The following RFTN1 variants were observed in gnomAD, a reference collection of about 807,000 sequenced individuals.
RFTN1 encodes raftlin, lipid raft linker 1, also known as raftlin.
Under a neutral mutation model 46.5 loss-of-function variants are expected in RFTN1, and 26 were observed. That is an observed-to-expected ratio of 0.56 (90% CI 0.41 to 0.78). RFTN1 has a LOEUF of 0.78. Among genes scored for constraint, RFTN1 ranks in the 30% least tolerant of loss-of-function variants. RFTN1 has a pLI of 0.00. For missense variants in RFTN1, 693 were observed against 718.7 expected, an observed-to-expected ratio of 0.96 and a Z score of 0.41; for synonymous variants, 261 against 284.2, an observed-to-expected ratio of 0.92 and a Z score of 0.82.
intron 4 of RFTN1, among the ~76,000 whole-genome samples, chr3:16,389,698 T>C (rs689643): frequency 0.2 from 29,946 of 152,072 alleles, 3,310 homozygotes; most frequent in East Asian, 0.29. Context: ...TTGGAATTCA[T>C]GTATGTGGCA....
At chr3:16,362,578 A>T (rs936484763) in intron 6 of RFTN1, among the ~76,000 whole-genome samples, 4 of 152,182 alleles carry the variant, frequency 2.6e-5, no homozygotes, top group African/African-American at 9.7e-5. Flanking sequence ...TGACCTGGGC[A>T]TGCTTGAGAC....
At chr3:16,397,113 GATGA>G (rs1559321575) in intron 4 of RFTN1, among the ~76,000 whole-genome samples, 1 of 149,714 alleles carries the variant, frequency 6.7e-6, no homozygotes, top group African/African-American at 2.5e-5. Flanking sequence ...CCTGTCAACA[GATGA>G]ATGGATGAAA....
At position 16,511,993 on chromosome 3, in the gene RFTN1, G is replaced by A. The variant is rs182342108; in HGVS notation, c.-9+1449C>T. Among the ~76,000 whole-genome samples the A allele has an allele frequency of 1.3e-4, 20 of 152,198 alleles. 1 individual carries two copies. The South Asian group carries it at 3.7e-3, about 28-fold the overall frequency. On this transcript the variant is annotated intron_variant, in intron 1 of 9. Coordinates refer to ENST00000334133, the MANE Select transcript of RFTN1 (RefSeq NM_015150.2). Reference sequence around the variant, plus strand: ...CTCTGGGGCTTTGAATCACTCAGGCGGGCCAGAAACCCCACTGAAGGCAAA... The same window carrying A: ...CTCTGGGGCTTTGAATCACTCAGGCAGGCCAGAAACCCCACTGAAGGCAAA...
At chr3:16,401,117 A>G (rs886659134) in intron 4 of RFTN1, among the ~76,000 whole-genome samples, 1 of 152,076 alleles carries the variant, frequency 6.6e-6, no homozygotes, top group Non-Finnish European at 1.5e-5. Context: ...TTCAAGACCA[A>G]CCTGGTAAAA....
At chr3:16,411,636 T>C (rs756581599) in intron 3 of RFTN1, among the ~76,000 whole-genome samples, 1 of 152,146 alleles carries the variant, frequency 6.6e-6, no homozygotes, top group Non-Finnish European at 1.5e-5. Context: ...AAAAGACATA[T>C]TAAGAGGAAC....
rs769250154 is a variant in RFTN1, at chr3:16,345,826, G to A, written c.1146+12106C>T. 3.1e-4 allele frequency among the ~76,000 whole-genome samples: 23 copies of A among 73,846 alleles called. No homozygotes were observed. Among genetic ancestry groups the A allele is most frequent in the East Asian group, 8.2e-4 (2 of 2,452 alleles). The allele number at this position is 73,846 out of a possible 152,430, so 48.4% of individuals were successfully genotyped here. ...TGTGTGTGTGTGTGTGTGCGCGCGCGCGTGCGCGCACGCGCACATGTGCAT... is the reference window on the plus strand; with the variant it reads ...TGTGTGTGTGTGTGTGTGCGCGCGCACGTGCGCGCACGCGCACATGTGCAT... On this transcript the variant is annotated intron_variant, in intron 7 of 9. Coordinates refer to ENST00000334133, the MANE Select transcript of RFTN1 (RefSeq NM_015150.2). The surrounding 1 kb of genome is among the most constrained non-coding windows in gnomAD (Gnocchi z 5.2).
intron 2 of RFTN1, among the ~76,000 whole-genome samples, chr3:16,486,797 C>T (rs1020683057): frequency 2.0e-5 from 3 of 152,202 alleles, no homozygotes; most frequent in African/African-American, 7.2e-5. Context: ...TGAATTGTGT[C>T]CTTCCAAATC....
At chr3:16,363,260 T>C (rs1311492736) in intron 6 of RFTN1, among the ~76,000 whole-genome samples, 3 of 151,768 alleles carry the variant, frequency 2.0e-5, no homozygotes, top group African/African-American at 7.3e-5. Context: ...CTCACTATAA[T>C]GTGCACTGAA....
Position 16,376,319 on chromosome 3 carries a change from G to A in RFTN1, c.826+1399C>T, listed in dbSNP as rs552779832. 5.1e-4 allele frequency among the ~76,000 whole-genome samples: 78 copies of A among 152,280 alleles called. No individual in the cohort carries two copies. Among genetic ancestry groups the A allele is most frequent in the Middle Eastern group, 3.4e-3 (1 of 294 alleles). On this transcript the variant is annotated intron_variant, in intron 5 of 9. Coordinates refer to ENST00000334133, the MANE Select transcript of RFTN1 (RefSeq NM_015150.2). This position sits in a 1 kb window ranked among gnomAD's most constrained non-coding sequence, Gnocchi z 4.7. The stretch of plus-strand genomic sequence containing the variant: ...GAAACTGAGGCACGGAAGGCAGGCC[G>A]GAATGTATACTCTAGATTCTTGAGC...
At chr3:16,502,701 C>A (rs2076732577) in intron 1 of RFTN1, among the ~76,000 whole-genome samples, 1 of 152,226 alleles carries the variant, frequency 6.6e-6, no homozygotes, top group Non-Finnish European at 1.5e-5. Context: ...GGCCTCCTGC[C>A]AACAGTCAGC....
At chr3:16,393,118 A>G (rs949632927) in intron 4 of RFTN1, among the ~76,000 whole-genome samples, 4 of 152,206 alleles carry the variant, frequency 2.6e-5, no homozygotes, top group Non-Finnish European at 5.9e-5. Context: ...TAAAAACAGT[A>G]ACGTGTCTTA....
Position 16,402,986 on chromosome 3 carries a change from C to G in RFTN1, c.441+6389G>C, listed in dbSNP as rs2074641738. On this transcript the variant is annotated intron_variant, in intron 4 of 9. Coordinates refer to ENST00000334133, the MANE Select transcript of RFTN1 (RefSeq NM_015150.2). This position sits in a 1 kb window ranked among gnomAD's most constrained non-coding sequence, Gnocchi z 4.5. The stretch of plus-strand genomic sequence containing the variant: ...GCTGAGGGCCTGAAGGCAAAGGCCA[C>G]CATGTCTTATCTGGACAAGGGCAGG... Among the ~76,000 whole-genome samples the G allele has an allele frequency of 6.6e-6, 1 of 152,102 alleles. No individual in the cohort carries two copies. Among genetic ancestry groups the G allele is most frequent in the South Asian group, 2.1e-4 (1 of 4,814 alleles).
At position 16,336,881 on chromosome 3, in the gene RFTN1, A is replaced by G. The variant is rs1314626393; in HGVS notation, c.1147-10005T>C. 6.6e-6 allele frequency among the ~76,000 whole-genome samples: 1 copy of G among 152,224 alleles called. No homozygotes were observed. Among genetic ancestry groups the G allele is most frequent in the Non-Finnish European group, 1.5e-5 (1 of 68,052 alleles). On this transcript the variant is annotated intron_variant, in intron 7 of 9. Transcript: ENST00000334133. This position sits in a 1 kb window ranked among gnomAD's most constrained non-coding sequence, Gnocchi z 6.0. ...AAAAAATAATAATTGTTATTATTAC[A>G]TGAAACATATTGTTTGGAAGAATGG...
chr3:16,415,576 C>A (rs777037709), intron 3 of RFTN1, among the ~76,000 whole-genome samples: 2 of 151,704 alleles, frequency 1.3e-5, no homozygotes, highest in East Asian at 1.9e-4. Flanking sequence ...ATGAGCTCTC[C>A]ATTAATGTAG....
At chr3:16,478,400 A>G (rs1021323300) in intron 2 of RFTN1, among the ~76,000 whole-genome samples, 3 of 152,232 alleles carry the variant, frequency 2.0e-5, no homozygotes, top group African/African-American at 7.2e-5. Context: ...CACACAGCTA[A>G]TAAGCAGCAG....
At chr3:16,330,820 A>G (rs1300132376) in intron 7 of RFTN1, among the ~76,000 whole-genome samples, 1 of 152,232 alleles carries the variant, frequency 6.6e-6, no homozygotes, top group Admixed American at 6.5e-5. Context: ...CAGAATGTAG[A>G]GTTTACTAAG....
chr3:16,415,752 G>A (rs1412493435), intron 3 of RFTN1, among the ~76,000 whole-genome samples: 1 of 152,104 alleles, frequency 6.6e-6, no homozygotes. Flanking sequence ...AAGGAAGCAA[G>A]TCAAGGAGAA....
At position 16,507,711 on chromosome 3, in the gene RFTN1, A is replaced by G. The variant is rs1320360592; in HGVS notation, c.-9+5731T>C. ...CACACATACACACACATACATACAC[A>G]TACACACATACACACAAACACATAC... is the stretch of plus-strand genomic sequence containing the variant. On this transcript the variant is annotated intron_variant, in intron 1 of 9. Coordinates refer to ENST00000334133, the MANE Select transcript of RFTN1 (RefSeq NM_015150.2). This position sits in a 1 kb window ranked among gnomAD's most constrained non-coding sequence, Gnocchi z 7.1. Among the ~76,000 whole-genome samples the G allele has an allele frequency of 1.3e-5, 2 of 151,722 alleles. No individual in the cohort carries two copies. The highest frequency in any genetic ancestry group is 4.8e-5 in the African/African-American group (2 of 41,262).
chr3:16,488,651 TG>T (rs551659166), intron 2 of RFTN1, among the ~76,000 whole-genome samples: 146 of 152,346 alleles, frequency 9.6e-4, no homozygotes, highest in African/African-American at 3.3e-3. Context: ...AATGCCTATT[TG>T]TGTCGCATCT....
Sources: allele counts gnomAD v4.1 joint callset (sites outside exome capture counted in the v4.1 genomes callset), GRCh38; gene constraint gnomAD v4.1.1; non-coding constraint Gnocchi (gnomAD v3.1); transcripts MANE v1.5; gene names NCBI Gene and HGNC (gene_info 2026-07-23, HGNC 2026-07-21).